HNMT: variants seen among roughly 807,000 people sequenced by gnomAD.
HNMT encodes histamine N-methyltransferase.
A neutral mutation model predicts 32.1 loss-of-function variants in HNMT; 30 were observed. The observed-to-expected ratio is 0.93, with a 90% CI of 0.70 to 1.27. The LOEUF (loss-of-function observed/expected upper bound fraction) is 1.27. HNMT is among the 50% of genes most tolerant of loss of function. The pLI is 0.00. For missense variants in HNMT, 327 were observed against 346.0 expected (o/e 0.95, Z 0.43); for synonymous variants, 125 against 119.0 (o/e 1.05, Z -0.33).
At chr2:138,003,921 A>C (rs1681257511) in intron 4 of HNMT, among the ~76,000 whole-genome samples, 1 of 151,944 alleles carries the variant, frequency 6.6e-6, no homozygotes, top group Non-Finnish European at 1.5e-5. Context: ...ATTTCTCTTA[A>C]AACTTCCATG....
chr2:137,964,705 G>A, intron 1 of HNMT, 77 bp downstream of exon 1: 3 of 1,466,780 alleles, frequency 2.0e-6, no homozygotes, highest in Non-Finnish European at 2.8e-6. Flanking sequence ...GTCTCGCTCA[G>A]CCTCGCAGGC....
chr2:137,969,559 C>T (rs1287204217), intron 1 of HNMT, among the ~76,000 whole-genome samples: 1 of 152,138 alleles, frequency 6.6e-6, no homozygotes, highest in African/African-American at 2.4e-5. Context: ...TTTTTTCTGA[C>T]CTCTTCACAT....
At chr2:137,987,567 C>A (rs1435044835) in intron 2 of HNMT, among the ~76,000 whole-genome samples, 1 of 144,070 alleles carries the variant, frequency 6.9e-6, no homozygotes, top group African/African-American at 2.6e-5. Flanking sequence ...GTGGGTCCTG[C>A]TCTGAAGGAT....
At chr2:137,964,755 C>G (rs973596400) in intron 1 of HNMT, 127 bp downstream of exon 1, 15 of 866,952 alleles carry the variant, frequency 1.7e-5, no homozygotes, top group Non-Finnish European at 2.8e-5. Context: ...TAGCAGCTCC[C>G]CGTCGTCCCC....
At chr2:137,991,525 A>G (rs922409345) in intron 2 of HNMT, among the ~76,000 whole-genome samples, 1 of 152,200 alleles carries the variant, frequency 6.6e-6, no homozygotes, top group Non-Finnish European at 1.5e-5. Context: ...AGGTTTTCTG[A>G]GGTCTGCTCC....
At chr2:138,011,472 C>A (rs891420088) in intron 5 of HNMT, among the ~76,000 whole-genome samples, 4 of 152,054 alleles carry the variant, frequency 2.6e-5, no homozygotes, top group Admixed American at 2.0e-4. Flanking sequence ...AGTAGAACAT[C>A]AATTATCCTA....
intron 2 of HNMT, among the ~76,000 whole-genome samples, chr2:137,973,961 T>A (rs887824728): frequency 3.3e-5 from 5 of 152,132 alleles, no homozygotes; most frequent in Non-Finnish European, 5.9e-5. Flanking sequence ...TGCGAAGCAA[T>A]TATTAGGGCT....
chr2:137,992,448 G>A (rs1680850654), intron 2 of HNMT, among the ~76,000 whole-genome samples: 1 of 152,216 alleles, frequency 6.6e-6, no homozygotes, highest in African/African-American at 2.4e-5. Flanking sequence ...CTTGCAGTCT[G>A]TGGCCAGAGT....
At chr2:137,991,779 A>T (rs1573662430) in intron 2 of HNMT, 1 of 152,228 alleles carries the variant, frequency 6.6e-6, no homozygotes, top group East Asian at 1.9e-4. Context: ...TATATATCAC[A>T]ATAAGAAATA....
chr2:137,990,031 T>C (rs1011462952), intron 2 of HNMT, among the ~76,000 whole-genome samples: 6 of 152,212 alleles, frequency 3.9e-5, no homozygotes, highest in Non-Finnish European at 1.5e-5. Context: ...TTTTCTTTCA[T>C]GCTTGTCATC....
At chr2:138,009,156 A>ATCAC (rs1681420285) in intron 5 of HNMT, among the ~76,000 whole-genome samples, 1 of 152,160 alleles carries the variant, frequency 6.6e-6, no homozygotes, top group Non-Finnish European at 1.5e-5. Flanking sequence ...AAAGCTCAAC[A>ATCAC]TCACTGATCA....
intron 2 of HNMT, among the ~76,000 whole-genome samples, chr2:137,973,300 A>G (rs1029356292): frequency 4.6e-5 from 7 of 152,216 alleles, no homozygotes; most frequent in African/African-American, 1.7e-4. Flanking sequence ...GGAGATGGTT[A>G]TCTAATCACC....
intron 2 of HNMT, among the ~76,000 whole-genome samples, chr2:137,980,887 G>A (rs1680473160): frequency 6.6e-6 from 1 of 152,100 alleles, no homozygotes; most frequent in Non-Finnish European, 1.5e-5. Flanking sequence ...GAAAAGAAAG[G>A]ATCTTGTCAG....
At chr2:137,972,087 C>G (rs1680155006) in intron 2 of HNMT, among the ~76,000 whole-genome samples, 1 of 151,800 alleles carries the variant, frequency 6.6e-6, no homozygotes, top group African/African-American at 2.4e-5. Flanking sequence ...GAAATGAGAT[C>G]ACTGATTTTT....
In HNMT at chr2:137,994,964, C is replaced by T. The variant is rs150673994; in HGVS notation, c.191-5954C>T. Among the ~76,000 whole-genome samples, 527 of 152,206 alleles carry T rather than the reference C, an allele frequency of 3.5e-3. 4 individuals carry two copies. Among genetic ancestry groups the T allele is most frequent in the African/African-American group, 0.012 (509 of 41,516 alleles). On this transcript the variant is annotated intron_variant, in intron 2 of 5. Coordinates refer to ENST00000280097, the MANE Select transcript of HNMT (RefSeq NM_006895.3). ...GCAGAGATCAAGAAGTTCTTTGAAA[C>T]CAACAAGAACAAAGAGACAACATAC... is the stretch of plus-strand genomic sequence containing the variant.
At chr2:137,995,537 C>A (rs907622856) in intron 2 of HNMT, among the ~76,000 whole-genome samples, 1 of 152,026 alleles carries the variant, frequency 6.6e-6, no homozygotes, top group Non-Finnish European at 1.5e-5. Context: ...GCCTACCAAC[C>A]AAAGAAAGCC....
intron 2 of HNMT, among the ~76,000 whole-genome samples, chr2:137,972,725 A>G (rs1349147227): frequency 6.6e-6 from 1 of 152,182 alleles, no homozygotes; most frequent in Non-Finnish European, 1.5e-5. Flanking sequence ...GTTTCAGGCA[A>G]CCAACAGGCA....
chr2:137,977,254 C>A (rs1045982850), intron 2 of HNMT, among the ~76,000 whole-genome samples: 2 of 152,142 alleles, frequency 1.3e-5, no homozygotes, highest in Admixed American at 6.6e-5. Flanking sequence ...ATGTGTTTAT[C>A]TGTAATTTTG....
At chr2:137,965,276 C>T (rs191636465) in intron 1 of HNMT, among the ~76,000 whole-genome samples, 224 of 152,146 alleles carry the variant, frequency 1.5e-3, no homozygotes, top group African/African-American at 5.3e-3. Context: ...TCAATTTGTG[C>T]CAGAGCTGAT....
Sources: allele counts gnomAD v4.1 joint callset (sites outside exome capture counted in the v4.1 genomes callset), GRCh38; gene constraint gnomAD v4.1.1; transcripts MANE v1.5; gene names NCBI Gene and HGNC (gene_info 2026-07-23, HGNC 2026-07-21).